TFIP11: variants seen among roughly 807,000 people sequenced by gnomAD.
TFIP11 encodes the protein tuftelin-interacting protein 11.
TFIP11 carries 86 observed loss-of-function variants against 96.8 expected under a neutral mutation model. That is an observed-to-expected ratio of 0.89 (90% CI 0.75 to 1.06). The LOEUF (loss-of-function observed/expected upper bound fraction) is 1.06. TFIP11 is among the 50% of genes least tolerant of loss of function. TFIP11 has a pLI of 0.00. For missense variants in TFIP11, 881 were observed against 1,076.7 expected (o/e 0.82, Z 2.54); for synonymous variants, 405 against 395.2 (o/e 1.02, Z -0.29).
chr22:26,500,772 A>G (rs1436970692), intron 8 of TFIP11, among the ~76,000 whole-genome samples: 1 of 151,786 alleles, frequency 6.6e-6, no homozygotes, highest in Non-Finnish European at 1.5e-5. Context: ...TGAGAACCCC[A>G]CTAAAGGCTT....
Position 26,498,866 on chromosome 22 carries a change from T to A in TFIP11, c.1436+3A>T. ...GGGTACAGAGCCCTGCTCTGTGGTG[T>A]ACCTGTGAAAGGCATCTGCTGAGAG... On this transcript the variant is annotated splice_donor_region_variant and intron_variant, in intron 10 of 14. Coordinates refer to ENST00000407690, the MANE Select transcript of TFIP11 (RefSeq NM_012143.4). 1 of 1,612,998 alleles carries A rather than the reference T, an allele frequency of 6.2e-7. No individual in the cohort carries two copies. The highest frequency in any genetic ancestry group is 8.5e-7 in the Non-Finnish European group (1 of 1,179,082).
intron 8 of TFIP11, 117 bp from the exon 9 acceptor site, chr22:26,499,748 G>C (rs1310148723): frequency 9.0e-7 from 1 of 1,108,696 alleles, no homozygotes. Flanking sequence ...TTATTCAACA[G>C]AGCTGGAGAA....
chr22:26,503,007 CT>C (rs1922978436), intron 7 of TFIP11, among the ~76,000 whole-genome samples: 1 of 152,220 alleles, frequency 6.6e-6, no homozygotes, highest in African/African-American at 2.4e-5. Flanking sequence ...TAACATGTCT[CT>C]TTGCAGCATC....
chr22:26,498,206 T>C (rs1389802471), intron 10 of TFIP11, among the ~76,000 whole-genome samples: 1 of 152,130 alleles, frequency 6.6e-6, no homozygotes, highest in Non-Finnish European at 1.5e-5. Flanking sequence ...ACAATGGACT[T>C]TGGGGACTCG....
chr22:26,502,631 C>T (rs1333626284), intron 7 of TFIP11, among the ~76,000 whole-genome samples: 1 of 152,128 alleles, frequency 6.6e-6, no homozygotes, highest in African/African-American at 2.4e-5. Context: ...AAAGTCCAGC[C>T]CACAGAAGTT....
Position 26,496,817 on chromosome 22 carries a change from C to A in TFIP11, c.1509G>T (p.Pro503=). The A allele has an allele frequency of 6.2e-7, 1 of 1,614,172 alleles. No individual in the cohort carries two copies. Residue 503 remains proline (P), a synonymous_variant, in exon 11 of 15, where the codon CCG becomes CCT. Coordinates refer to ENST00000407690, the MANE Select transcript of TFIP11 (RefSeq NM_012143.4). ...CCCAACTATCCAAAAAGTCCACCAT[C>A]GGGTCACAGTTCCTTGGCTGCCACT... The part of the protein sequence containing the change: ...VTQWQPRNCD[P]MVDFLDSWVH...
intron 4 of TFIP11, among the ~76,000 whole-genome samples, chr22:26,508,023 G>A (rs926114708): frequency 2.0e-5 from 3 of 152,112 alleles, no homozygotes; most frequent in African/African-American, 7.2e-5. Flanking sequence ...CATGAGAAAC[G>A]CTTGAACCCA....
At chr22:26,504,651 C>CA (rs1166471136) in intron 6 of TFIP11, among the ~76,000 whole-genome samples, 9 of 152,128 alleles carry the variant, frequency 5.9e-5, no homozygotes, top group Non-Finnish European at 1.3e-4. Context: ...CCCTAGGTAA[C>CA]AGAGTGAGAC....
At chr22:26,505,162 T>C (rs1415925079) in intron 6 of TFIP11, among the ~76,000 whole-genome samples, 2 of 152,138 alleles carry the variant, frequency 1.3e-5, no homozygotes, top group Non-Finnish European at 1.5e-5. Flanking sequence ...TTGGCAATCA[T>C]GCATAGGAAA....
At chr22:26,495,888 G>A (rs115721504) in intron 12 of TFIP11, among the ~76,000 whole-genome samples, 185 bp downstream of exon 12, 22 of 152,074 alleles carry the variant, frequency 1.4e-4, no homozygotes, top group African/African-American at 2.9e-4. Context: ...AATAAACAGC[G>A]GAAAGGACCC....
Position 26,501,807 on chromosome 22 carries a change from A to AAAAG in TFIP11, c.801+92_801+93insCTTT, listed in dbSNP as rs376064407. Reference sequence around the variant, plus strand: ...TACCAAAAAAAAAAAAAAAAAAAAAAGCCTAGCTAAAAGATCCAAAAAACC... The same window carrying AAAAG: ...TACCAAAAAAAAAAAAAAAAAAAAAAAAAGGCCTAGCTAAAAGATCCAAAAAACC... On this transcript the variant is annotated intron_variant, in intron 8 of 14. Transcript: ENST00000407690. 11 of 539,324 alleles carry AAAAG rather than the reference A, an allele frequency of 2.0e-5. 1 individual carries two copies. The highest frequency in any genetic ancestry group is 7.9e-5 in the Admixed American group (2 of 25,394). The allele number at this position is 539,324 out of a possible 1,614,324, so 33.4% of individuals were successfully genotyped here. A position where few individuals can be genotyped will look rare whatever the true frequency, so the allele number is the denominator to read the frequency against.
intron 10 of TFIP11, among the ~76,000 whole-genome samples, chr22:26,498,011 G>C: frequency 6.8e-6 from 1 of 147,538 alleles, no homozygotes; most frequent in South Asian, 2.1e-4. Context: ...AGAAACTGTG[G>C]TATAAATATA....
Position 26,491,288 on chromosome 22 carries a change from T to G in TFIP11, c.*725A>C. On this transcript the variant is annotated 3_prime_UTR_variant, in exon 15 of 15. Transcript: ENST00000407690. ...ATTCTTAGTATCACAGTCCATGATA[T>G]CCACTGTCCTTGGGGCGCCCAATTC... 1.4e-6 allele frequency: 1 copy of G among 710,352 alleles called. No homozygotes were observed. Among genetic ancestry groups the G allele is most frequent in the South Asian group, 1.9e-5 (1 of 52,098 alleles). 44.0% of individuals were successfully genotyped at this position (710,352 alleles called of 1,614,324 possible).
chr22:26,494,386 G>A, intron 13 of TFIP11, 82 bp from the exon 14 acceptor site: 1 of 1,529,490 alleles, frequency 6.5e-7, no homozygotes, highest in Non-Finnish European at 9.0e-7. Context: ...GTTTTGTTTT[G>A]ATCCTGGTCC....
rs1319865614 is a variant in TFIP11 at position 26,499,343 on chromosome 22, C to A, written c.1090G>T (p.Asp364Tyr). The A allele has an allele frequency of 6.2e-7, 1 of 1,614,160 alleles. No homozygotes were observed. The highest frequency in any genetic ancestry group is 8.5e-7 in the Non-Finnish European group (1 of 1,180,020). ...TTCGAGATGACCCGCTCCTCGTGGT[C>A]CAGGACCTCGGTCATCTTCTCCAGC... The part of the protein sequence containing the change: ...HELEKMTEVL[D>Y]HEERVISNLS... The change falls in exon 9 of 15, where the codon GAC (aspartate) becomes TAC (tyrosine). Residue 364 changes from aspartate (D) to tyrosine (Y), a missense_variant. Asp to Tyr is a radical substitution (Grantham distance 160). Transcript: ENST00000407690.
chr22:26,491,924 C>G lies in TFIP11; in HGVS notation c.*89G>C. ...GAGTAGCTCCTGAGTAAAGAAGTTA[C>G]CCTTTTGAAGGTGATCTAAAAATAC... On this transcript the variant is annotated 3_prime_UTR_variant, in exon 15 of 15. Transcript: ENST00000407690. The G allele has an allele frequency of 7.6e-7, 1 of 1,314,958 alleles. No individual in the cohort carries two copies. Among genetic ancestry groups the G allele is most frequent in the Non-Finnish European group, 1.0e-6 (1 of 957,650 alleles). The allele number at this position is 1,314,958 out of a possible 1,614,324, so 81.5% of individuals were successfully genotyped here. A position where few individuals can be genotyped will look rare whatever the true frequency, so the allele number is the denominator to read the frequency against.
chr22:26,494,014 G>C (rs1021911056), intron 14 of TFIP11, 125 bp downstream of exon 14: 2 of 1,075,340 alleles, frequency 1.9e-6, no homozygotes, highest in Admixed American at 2.4e-5. Context: ...CTGTTGCTAT[G>C]TGCAAAAGTG....
chr22:26,507,067 T>G, intron 4 of TFIP11, 139 bp from the exon 5 acceptor site: 1 of 1,083,672 alleles, frequency 9.2e-7, no homozygotes, highest in Non-Finnish European at 1.3e-6. Flanking sequence ...AACACATTTT[T>G]TAATGTGTCA....
chr22:26,494,997 C>A, intron 12 of TFIP11, 58 bp from the exon 13 acceptor site: 1 of 1,603,388 alleles, frequency 6.2e-7, no homozygotes. Context: ...GCCAAAGAAG[C>A]ACAAAGAGCA....
Sources: allele counts gnomAD v4.1 joint callset (sites outside exome capture counted in the v4.1 genomes callset), GRCh38; gene constraint gnomAD v4.1.1; transcripts MANE v1.5; gene names NCBI Gene and HGNC (gene_info 2026-07-23, HGNC 2026-07-21).